Variants in EYS observed in about 807,000 individuals in gnomAD.
EYS encodes the protein protein eyes shut homolog.
Under a neutral mutation model 282.1 loss-of-function variants are expected in EYS, and 250 were observed. The observed-to-expected ratio is 0.89, with a 90% CI of 0.80 to 0.98. The LOEUF is 0.98. EYS is among the 50% of genes least tolerant of loss of function. The pLI is 0.00. For missense variants in EYS, 4,016 were observed against 3,709.0 expected, an observed-to-expected ratio of 1.08 and a Z score of -2.15; for synonymous variants, 1,355 against 1,282.9, an observed-to-expected ratio of 1.06 and a Z score of -1.20.
intron 28 of EYS, among the ~76,000 whole-genome samples, chr6:64,403,616 C>A (rs1269238043): frequency 6.6e-6 from 1 of 152,186 alleles, no homozygotes; most frequent in East Asian, 1.9e-4. Flanking sequence ...CTCAGCTTCC[C>A]AAAGTGCTGG....
chr6:64,992,116 C>T (rs546741779), intron 14 of EYS, among the ~76,000 whole-genome samples: 6 of 151,744 alleles, frequency 4.0e-5, no homozygotes, highest in Non-Finnish European at 7.4e-5. Context: ...ACAATTGAGT[C>T]CAGCTCCTAC....
At chr6:65,354,616 G>C (rs1308082526) in intron 8 of EYS, among the ~76,000 whole-genome samples, 1 of 152,098 alleles carries the variant, frequency 6.6e-6, no homozygotes, top group Non-Finnish European at 1.5e-5. Context: ...AGGAGTTCAA[G>C]ACCAGCCTGG....
At chr6:65,381,604 A>G (rs1374854057) in intron 8 of EYS, among the ~76,000 whole-genome samples, 1 of 152,080 alleles carries the variant, frequency 6.6e-6, no homozygotes, top group Non-Finnish European at 1.5e-5. Flanking sequence ...GTTTACATTC[A>G]GTACATCTAT....
chr6:65,037,256 C>T (rs1772798125), intron 13 of EYS, among the ~76,000 whole-genome samples: 1 of 151,666 alleles, frequency 6.6e-6, no homozygotes, highest in African/African-American at 2.4e-5. Context: ...GGGAGCTAAG[C>T]GTTGAGTACA....
chr6:64,916,351 C>G (rs563316860), intron 15 of EYS, among the ~76,000 whole-genome samples: 52 of 152,216 alleles, frequency 3.4e-4, no homozygotes, highest in African/African-American at 1.2e-3. Context: ...TGGTGTCATT[C>G]CAAGGATCCA....
intron 13 of EYS, among the ~76,000 whole-genome samples, chr6:65,008,905 G>T (rs2150132016): frequency 6.6e-6 from 1 of 152,210 alleles, no homozygotes; most frequent in African/African-American, 2.4e-5. Context: ...CTATCCGAGG[G>T]GGTCCTAGGA....
intron 12 of EYS, among the ~76,000 whole-genome samples, chr6:65,101,779 C>T (rs2150183588): frequency 6.6e-6 from 1 of 151,198 alleles, no homozygotes; most frequent in East Asian, 1.9e-4. Context: ...ATATTGCAGT[C>T]CCTAGTTATC....
chr6:64,039,333 CA>C (rs1250484197), intron 33 of EYS, among the ~76,000 whole-genome samples: 1 of 152,092 alleles, frequency 6.6e-6, no homozygotes, highest in African/African-American at 2.4e-5. Flanking sequence ...GAATCTAACT[CA>C]AGTCAACTGC....
chr6:65,437,129 C>T (rs957419345), intron 5 of EYS, among the ~76,000 whole-genome samples: 8 of 152,024 alleles, frequency 5.3e-5, no homozygotes, highest in African/African-American at 1.9e-4. Flanking sequence ...CTTTATACTA[C>T]AGAAAATGTT....
chr6:64,466,936 A>G (rs1334743932), intron 26 of EYS, among the ~76,000 whole-genome samples: 1 of 152,192 alleles, frequency 6.6e-6, no homozygotes, highest in Non-Finnish European at 1.5e-5. Flanking sequence ...ATTAAAGTAT[A>G]AAAAGGAAAG....
intron 31 of EYS, among the ~76,000 whole-genome samples, chr6:64,183,906 CT>C (rs1169395008): frequency 6.6e-6 from 1 of 151,910 alleles, no homozygotes; most frequent in South Asian, 2.1e-4. Context: ...CACTTCTTTT[CT>C]TTTTTTAAAA....
chr6:65,101,035 A>G (rs904067741), intron 12 of EYS, among the ~76,000 whole-genome samples: 1 of 151,148 alleles, frequency 6.6e-6, no homozygotes. Flanking sequence ...TCAGAAATGC[A>G]GGAGTTGGGA....
chr6:64,236,793 A>G (rs1039058450), intron 30 of EYS, among the ~76,000 whole-genome samples: 1 of 148,252 alleles, frequency 6.7e-6, no homozygotes, highest in South Asian at 2.1e-4. Flanking sequence ...ATTTTTATAT[A>G]TGTATATATT....
intron 22 of EYS, among the ~76,000 whole-genome samples, chr6:64,643,562 C>CCCA (rs1300323397): frequency 2.6e-5 from 4 of 152,020 alleles, no homozygotes; most frequent in Non-Finnish European, 5.9e-5. Flanking sequence ...ACAATGATTT[C>CCCA]CCACCACATA....
At chr6:65,682,669 G>A (rs1382700468) in intron 1 of EYS, among the ~76,000 whole-genome samples, 1 of 151,876 alleles carries the variant, frequency 6.6e-6, no homozygotes, top group Non-Finnish European at 1.5e-5. Flanking sequence ...CTCTCCGGGA[G>A]CTCCAATATA....
intron 22 of EYS, among the ~76,000 whole-genome samples, chr6:64,738,823 T>C (rs1262742121): frequency 6.6e-6 from 1 of 152,196 alleles, no homozygotes; most frequent in African/African-American, 2.4e-5. Context: ...AATGGCACGA[T>C]CTTGGCTCAC....
chr6:65,535,998 T>C (rs927805233), intron 2 of EYS, among the ~76,000 whole-genome samples: 2 of 152,016 alleles, frequency 1.3e-5, no homozygotes, highest in African/African-American at 4.8e-5. Context: ...GGAAGTCAAA[T>C]TATCTGAGAT....
intron 30 of EYS, among the ~76,000 whole-genome samples, chr6:64,271,763 T>C (rs916868422): frequency 6.6e-6 from 1 of 152,150 alleles, no homozygotes; most frequent in Admixed American, 6.6e-5. Flanking sequence ...TTGTAAATCA[T>C]GTATGTCCGT....
intron 11 of EYS, among the ~76,000 whole-genome samples, chr6:65,309,648 C>T (rs1246131697): frequency 2.0e-5 from 3 of 152,260 alleles, no homozygotes; most frequent in East Asian, 1.9e-4. Context: ...GAATTCGAAT[C>T]TTCGCTCTGG....
Sources: allele counts gnomAD v4.1 joint callset (sites outside exome capture counted in the v4.1 genomes callset), GRCh38; gene constraint gnomAD v4.1.1; transcripts MANE v1.5; gene names NCBI Gene and HGNC (gene_info 2026-07-23, HGNC 2026-07-21).